Variants in XPO1 observed in about 807,000 individuals in gnomAD.
XPO1 encodes the protein exportin 1, also known as exportin-1.
XPO1 carries 5 observed loss-of-function variants against 133.3 expected under a neutral mutation model. The observed-to-expected ratio is 0.04, with a 90% CI of 0.02 to 0.08. The LOEUF (loss-of-function observed/expected upper bound fraction) is 0.08. Among genes scored for constraint, XPO1 ranks in the 10% least tolerant of loss-of-function variants. XPO1 has a pLI of 1.00. For synonymous variants in XPO1, 419 were observed against 408.2 expected (o/e 1.03, Z -0.32); for missense variants, 506 against 1,267.5 (o/e 0.40, Z 9.12).
rs1464944133 is a variant in XPO1 at position 61,492,018 on chromosome 2, C to A, written c.1887+17G>T. ...TGTTACTTTCTAAAAATAACATATG[C>A]TCAGTGCTTAACATACCTGTTGAGG... On this transcript the variant is annotated intron_variant, in intron 16 of 24. Transcript: ENST00000401558. This position sits in a 1 kb window ranked among gnomAD's most constrained non-coding sequence, Gnocchi z 5.6. 6.2e-7 allele frequency: 1 copy of A among 1,613,090 alleles called. No individual in the cohort carries two copies. The highest frequency in any genetic ancestry group is 1.3e-5 in the African/African-American group (1 of 74,912).
intron 3 of XPO1, chr2:61,526,104 T>G: frequency 8.8e-7 from 1 of 1,141,028 alleles, no homozygotes; most frequent in Non-Finnish European, 1.1e-6. Flanking sequence ...AATAATTCCT[T>G]AATGTTATGT....
At chr2:61,532,273 G>A (rs976045006) in intron 2 of XPO1, among the ~76,000 whole-genome samples, 11 of 151,686 alleles carry the variant, frequency 7.3e-5, no homozygotes, top group Admixed American at 1.3e-4. Context: ...GACTACAGGC[G>A]CCCGCCACCA....
intron 16 of XPO1, among the ~76,000 whole-genome samples, 182 bp downstream of exon 16, chr2:61,491,853 T>C (rs1215622562): frequency 2.0e-5 from 3 of 152,182 alleles, no homozygotes; most frequent in Admixed American, 6.6e-5. Context: ...TGAGCCGTAA[T>C]TGTGCCACTG....
chr2:61,480,642 C>T (rs1355450004), intron 24 of XPO1: 1 of 151,730 alleles, frequency 6.6e-6, no homozygotes, highest in African/African-American at 2.4e-5. Flanking sequence ...AAAAAAAAAC[C>T]TTTGTATTTT....
At chr2:61,512,570 A>G (rs901680816) in intron 4 of XPO1, among the ~76,000 whole-genome samples, 1 of 152,250 alleles carries the variant, frequency 6.6e-6, no homozygotes, top group South Asian at 2.1e-4. Flanking sequence ...GCAATTCTCT[A>G]TATTAGCAAG....
intron 23 of XPO1, 36 bp from the exon 24 acceptor site, chr2:61,481,317 A>AT: frequency 2.0e-6 from 3 of 1,533,902 alleles, no homozygotes; most frequent in South Asian, 2.3e-5. Context: ...ATAATGATTT[A>AT]TTTTTCCCCC....
intron 19 of XPO1, 68 bp downstream of exon 19, chr2:61,488,097 G>C (rs939888635): frequency 7.4e-7 from 1 of 1,350,064 alleles, no homozygotes; most frequent in African/African-American, 1.4e-5. Flanking sequence ...GCACATAATA[G>C]AGTATAGCAT....
At chr2:61,514,896 GAAACTCTATTACA>G (rs1698290944) in intron 4 of XPO1, among the ~76,000 whole-genome samples, 2 of 151,956 alleles carry the variant, frequency 1.3e-5, no homozygotes, top group South Asian at 4.2e-4. Flanking sequence ...CCAATATGGC[GAAACTCTATTACA>G]AAAACAAAAA....
chr2:61,505,990 T>TG (rs1291289339), intron 4 of XPO1, among the ~76,000 whole-genome samples: 1 of 152,222 alleles, frequency 6.6e-6, no homozygotes, highest in Admixed American at 6.5e-5. Context: ...AAAACCCCCA[T>TG]GGCCAGGTAC....
At chr2:61,502,591 A>ATTG in intron 4 of XPO1, 2 of 251,398 alleles carry the variant, frequency 8.0e-6, no homozygotes, top group South Asian at 5.2e-5. Flanking sequence ...TGTCTCTACT[A>ATTG]AAAATACAAA....
At chr2:61,500,714 G>GC (rs1187094068) in intron 6 of XPO1, among the ~76,000 whole-genome samples, 1 of 151,822 alleles carries the variant, frequency 6.6e-6, no homozygotes, top group Non-Finnish European at 1.5e-5. Context: ...CAGGAGAATT[G>GC]CTTGAACCTG....
Position 61,478,221 on chromosome 2 carries a change from A to G in XPO1, c.*599T>C, listed in dbSNP as rs747450185. The G allele has an allele frequency of 4.3e-6, 1 of 233,620 alleles. No homozygotes were observed. The highest frequency in any genetic ancestry group is 8.5e-6 in the Non-Finnish European group (1 of 118,002). The allele number at this position is 233,620 out of a possible 1,614,324, so 14.5% of individuals were successfully genotyped here. A position where few individuals can be genotyped will look rare whatever the true frequency, so the allele number is the denominator to read the frequency against. On this transcript the variant is annotated 3_prime_UTR_variant, in exon 25 of 25. Coordinates refer to ENST00000401558, the MANE Select transcript of XPO1 (RefSeq NM_003400.4). ...CAAAAACAAAAAGAACTGTGTAAAA[A>G]TAACTAACTGTGTTCCCATATTTTT...
chr2:61,526,616 T>C (rs558127394), intron 2 of XPO1, 95 bp from the exon 3 acceptor site: 6 of 868,810 alleles, frequency 6.9e-6, no homozygotes, highest in South Asian at 2.6e-5. Flanking sequence ...CAAATTCTAA[T>C]TGGACAGAGA....
chr2:61,528,765 A>G (rs1432059296), intron 2 of XPO1, among the ~76,000 whole-genome samples: 1 of 51,498 alleles, frequency 1.9e-5, no homozygotes, highest in Non-Finnish European at 4.2e-5. Flanking sequence ...ATATATATAT[A>G]TATATATATA....
intron 19 of XPO1, among the ~76,000 whole-genome samples, chr2:61,486,350 A>G (rs1046649224): frequency 5.9e-5 from 9 of 152,034 alleles, no homozygotes; most frequent in African/African-American, 2.2e-4. Flanking sequence ...AAACTCTCAC[A>G]ATAAGAAAAG....
intron 4 of XPO1, among the ~76,000 whole-genome samples, chr2:61,518,429 C>A (rs1382903621): frequency 3.8e-5 from 1 of 26,012 alleles, no homozygotes; most frequent in Admixed American, 3.6e-4. Flanking sequence ...CACACACACA[C>A]ACACACACAC....
At chr2:61,490,267 C>T (rs1407113422) in intron 17 of XPO1, among the ~76,000 whole-genome samples, 2 of 149,796 alleles carry the variant, frequency 1.3e-5, no homozygotes, top group Non-Finnish European at 3.0e-5. Context: ...AGCTCAATCT[C>T]GGCTCACTGC....
chr2:61,521,418 G>A (rs577758951), intron 4 of XPO1, among the ~76,000 whole-genome samples: 9 of 152,102 alleles, frequency 5.9e-5, no homozygotes, highest in African/African-American at 1.9e-4. Context: ...CCATAATAAA[G>A]TCAAGAAAAA....
chr2:61,497,247 C>G (rs988896825), intron 9 of XPO1, among the ~76,000 whole-genome samples: 3 of 152,078 alleles, frequency 2.0e-5, no homozygotes, highest in African/African-American at 7.2e-5. Flanking sequence ...GACAGAGTCT[C>G]GCTCGCCCAG....
Sources: gnomAD v4.1 joint callset for allele counts (sites outside exome capture counted in the v4.1 genomes callset) on GRCh38, gnomAD v4.1.1 for gene constraint, Gnocchi (gnomAD v3.1) non-coding constraint, MANE v1.5 for transcripts, NCBI Gene and HGNC (gene_info 2026-07-23, HGNC 2026-07-21) for gene names.